Variants in NXNL2 observed in about 807,000 individuals in gnomAD.
NXNL2 encodes the protein nucleoredoxin like 2.
A neutral mutation model predicts 11.1 loss-of-function variants in NXNL2; 7 were observed. That is an observed-to-expected ratio of 0.63 (90% CI 0.36 to 1.18). NXNL2 has a LOEUF of 1.18. NXNL2 is among the 50% of genes most tolerant of loss of function. The pLI, the probability that NXNL2 is intolerant of heterozygous loss-of-function variation, is 0.02. For missense variants in NXNL2, 233 were observed against 217.7 expected (o/e 1.07, Z -0.44); for synonymous variants, 109 against 101.8 (o/e 1.07, Z -0.42).
At position 88,544,395 on chromosome 9, in the gene NXNL2, T is replaced by A; in HGVS notation, c.319T>A (p.Tyr107Asn). The change falls in exon 2 of 2, where the codon TAC (tyrosine) becomes AAC (asparagine). Residue 107 changes from tyrosine (Y) to asparagine (N), a missense_variant. Physicochemically the swap from Tyr to Asn is moderately radical, Grantham distance 143. Transcript: ENST00000375854. ...DPYRHELRKRYNVTAIPKLVI... is the reference protein window; with the variant it reads ...DPYRHELRKRNNVTAIPKLVI... ...GTCCTGCAGTGAGCTGAGGAAGAGG[T>A]ACAACGTCACAGCCATCCCCAAGCT... 1.9e-6 allele frequency: 3 copies of A among 1,551,818 alleles called. No individual in the cohort carries two copies. The highest frequency in any genetic ancestry group is 2.6e-6 in the Non-Finnish European group (3 of 1,147,014).
intron 1 of NXNL2, among the ~76,000 whole-genome samples, chr9:88,559,005 T>A (rs922738959): frequency 1.3e-5 from 2 of 152,104 alleles, no homozygotes; most frequent in African/African-American, 4.8e-5. Context: ...CCTTAAGCTC[T>A]CCATGCTGAG....
downstream of NXNL2, among the ~76,000 whole-genome samples, chr9:88,579,157 AC>A (rs1830381365): frequency 1.3e-5 from 2 of 152,024 alleles, no homozygotes; most frequent in Non-Finnish European, 2.9e-5. Flanking sequence ...TGTCTTCACT[AC>A]CCCACTGATG....
downstream of NXNL2, among the ~76,000 whole-genome samples, chr9:88,545,510 G>A (rs1316985723): frequency 6.6e-6 from 1 of 152,178 alleles, no homozygotes; most frequent in Non-Finnish European, 1.5e-5. Context: ...GAGTAAGGAA[G>A]CCCAGTGGGT....
At chr9:88,562,656 G>A (rs1165960530) in intron 1 of NXNL2, among the ~76,000 whole-genome samples, 1 of 151,904 alleles carries the variant, frequency 6.6e-6, no homozygotes. Flanking sequence ...GGAGGCTGAG[G>A]TAGGAGAATC....
chr9:88,548,449 G>T (rs558359382), downstream of NXNL2, among the ~76,000 whole-genome samples: 1 of 146,084 alleles, frequency 6.8e-6, no homozygotes, highest in South Asian at 2.2e-4. Flanking sequence ...GGATCACGAG[G>T]TCAGGAGATG....
At chr9:88,566,503 A>C (rs59364889) in intron 1 of NXNL2, among the ~76,000 whole-genome samples, 4,481 of 152,108 alleles carry the variant, frequency 0.029, 194 homozygotes, top group African/African-American at 0.097. Flanking sequence ...GGGTTTCACC[A>C]TGTTGACCAG....
At chr9:88,572,036 G>T (rs928264193) in intron 2 of NXNL2, among the ~76,000 whole-genome samples, 3 of 152,130 alleles carry the variant, frequency 2.0e-5, no homozygotes, top group Non-Finnish European at 4.4e-5. Flanking sequence ...CAAGGCTGAG[G>T]AGCACGTGCC....
intron 1 of NXNL2, among the ~76,000 whole-genome samples, chr9:88,553,674 G>A (rs2118467367): frequency 6.6e-6 from 1 of 152,216 alleles, no homozygotes; most frequent in Non-Finnish European, 1.5e-5. Flanking sequence ...ACAGAGAGAG[G>A]GCTGGCTAGG....
At chr9:88,546,148 CGTGTGTGT>C (rs747134247), downstream of NXNL2, among the ~76,000 whole-genome samples, 5 of 147,376 alleles carry the variant, frequency 3.4e-5, no homozygotes, top group African/African-American at 9.9e-5. Flanking sequence ...ACTGAGTGTT[CGTGTGTGT>C]GTGTGTGTGT....
chr9:88,543,505 A>G (rs756835216), intron 1 of NXNL2, among the ~76,000 whole-genome samples: 2 of 152,148 alleles, frequency 1.3e-5, no homozygotes, highest in Non-Finnish European at 2.9e-5. Flanking sequence ...GACTTAAGCC[A>G]TCTTCCCACC....
chr9:88,582,630 C>A (rs191794418), intron 1 of NXNL2, among the ~76,000 whole-genome samples: 1 of 150,840 alleles, frequency 6.6e-6, no homozygotes, highest in Middle Eastern at 3.2e-3. Flanking sequence ...CTTCCTTCCT[C>A]CCTCCTCCCC....
chr9:88,535,304 C>A lies in NXNL2; in HGVS notation c.-131C>A. 1 of 848,096 alleles carries A rather than the reference C, an allele frequency of 1.2e-6. No homozygotes were observed. Among genetic ancestry groups the A allele is most frequent in the Non-Finnish European group, 1.8e-6 (1 of 568,764 alleles). The allele number at this position is 848,096 out of a possible 1,614,324, so 52.5% of individuals were successfully genotyped here. A position where few individuals can be genotyped will look rare whatever the true frequency, so the allele number is the denominator to read the frequency against. On this transcript the variant is annotated 5_prime_UTR_variant, in exon 1 of 2. Coordinates refer to ENST00000375854, the MANE Select transcript of NXNL2 (RefSeq NM_001161625.2). ...GGCCAAGGTGTGGGCGCATCTGGGG[C>A]AGGTCTTGAGAGGTCCAGCGCCCGG...
At chr9:88,553,446 CCCATGT>C (rs760806182) in intron 1 of NXNL2, among the ~76,000 whole-genome samples, 6 of 152,184 alleles carry the variant, frequency 3.9e-5, no homozygotes, top group Non-Finnish European at 4.4e-5. Flanking sequence ...TGAGGCCCAG[CCCATGT>C]GGCTCTGCTC....
intron 1 of NXNL2, among the ~76,000 whole-genome samples, chr9:88,559,234 C>T (rs1265253549): frequency 6.6e-6 from 1 of 152,044 alleles, no homozygotes; most frequent in Non-Finnish European, 1.5e-5. Context: ...GTGCTCAGGC[C>T]CGGGAGGAGG....
At chr9:88,569,180 C>T (rs2118526082) in intron 1 of NXNL2, among the ~76,000 whole-genome samples, 1 of 152,336 alleles carries the variant, frequency 6.6e-6, no homozygotes, top group Admixed American at 6.5e-5. Context: ...GTCCTCCTGC[C>T]TTGGCCTCCC....
At chr9:88,558,899 G>A (rs758103673) in intron 1 of NXNL2, among the ~76,000 whole-genome samples, 21 of 152,080 alleles carry the variant, frequency 1.4e-4, no homozygotes, top group Non-Finnish European at 2.9e-4. Context: ...GATGGCAGGT[G>A]GAGATAGTCC....
chr9:88,564,870 A>G (rs1249974996), intron 1 of NXNL2, among the ~76,000 whole-genome samples: 1 of 152,048 alleles, frequency 6.6e-6, no homozygotes, highest in East Asian at 1.9e-4. Flanking sequence ...TATTTTTGTA[A>G]GAAGACTTCA....
rs140281801 is a variant in NXNL2, at chr9:88,571,748, G to T, written c.*16+540G>T. 5.3e-5 allele frequency among the ~76,000 whole-genome samples: 8 copies of T among 152,222 alleles called. No homozygotes were observed. In the East Asian group the frequency reaches 1.5e-3, roughly 29 times the overall value. Reference sequence around the variant, plus strand: ...GAGCTTTGCTCCGTCAGGAGGAGGGGCCCAGTCCCACCATGAATCCTTGAA... The same window carrying T: ...GAGCTTTGCTCCGTCAGGAGGAGGGTCCCAGTCCCACCATGAATCCTTGAA... On this transcript the variant is annotated intron_variant, in intron 2 of 2. Coordinates refer to the NXNL2 transcript ENST00000375855.
At chr9:88,576,695 T>G (rs1830352419), downstream of NXNL2, among the ~76,000 whole-genome samples, 1 of 152,080 alleles carries the variant, frequency 6.6e-6, no homozygotes, top group African/African-American at 2.4e-5. Flanking sequence ...ACTGCTCCCT[T>G]CTCCACCAGC....
Sources: allele counts gnomAD v4.1 joint callset (sites outside exome capture counted in the v4.1 genomes callset), GRCh38; gene constraint gnomAD v4.1.1; transcripts MANE v1.5; gene names NCBI Gene and HGNC (gene_info 2026-07-23, HGNC 2026-07-21).